The following GPAM variants were observed in gnomAD, a reference collection of about 807,000 sequenced individuals.
GPAM encodes glycerol-3-phosphate acyltransferase, mitochondrial.
Under a neutral mutation model 105.0 loss-of-function variants are expected in GPAM, and 56 were observed. The observed-to-expected ratio is 0.53, with a 90% CI of 0.43 to 0.67. The LOEUF (loss-of-function observed/expected upper bound fraction) is 0.67. GPAM is among the 30% of genes least tolerant of loss of function. The pLI, the probability that GPAM is intolerant of heterozygous loss-of-function variation, is 0.00. For missense variants in GPAM, 855 were observed against 989.8 expected (o/e 0.86, Z 1.83); for synonymous variants, 368 against 354.4 (o/e 1.04, Z -0.43).
chr10:112,155,667 C>T (rs978086496), intron 20 of GPAM, 197 bp downstream of exon 20: 6 of 496,142 alleles, frequency 1.2e-5, no homozygotes, highest in African/African-American at 5.8e-5. Context: ...AATAACGTTA[C>T]GTGAAAAAAG....
intron 20 of GPAM, 106 bp downstream of exon 20, chr10:112,155,758 G>A (rs1326524126): frequency 1.5e-6 from 1 of 684,324 alleles, no homozygotes; most frequent in Non-Finnish European, 2.6e-6. Context: ...TACGGTGTTA[G>A]AGGTCAGGAT....
chr10:112,155,906 T>C lies in GPAM; in HGVS notation c.2269A>G (p.Lys757Glu). 1 of 1,611,356 alleles carries C rather than the reference T, an allele frequency of 6.2e-7. No homozygotes were observed. Among genetic ancestry groups the C allele is most frequent in the Non-Finnish European group, 8.5e-7 (1 of 1,177,514 alleles). ...CTTTCTGTTCTGGTTATTAGGTATTTGTGCAACTTTTGCAGATACTCAGGT... is the reference window on the plus strand; with the variant it reads ...CTTTCTGTTCTGGTTATTAGGTATTCGTGCAACTTTTGCAGATACTCAGGT... ...PEPEYLQKLH[K>E]YLITRTERNV... is the part of the protein sequence containing the mutation. The change falls in exon 20 of 22, where the codon AAA (lysine) becomes GAA (glutamate). Residue 757 changes from lysine to glutamate, a missense_variant. Physicochemically the swap from Lys to Glu is moderately conservative, Grantham distance 56. Transcript: ENST00000348367.
At position 112,181,284 on chromosome 10, in the gene GPAM, C is replaced by T. The variant is rs149559246; in HGVS notation, c.102+399G>A. ...AGGAAAAACAATCCAAGAAAATGTA[C>T]GCCTTTTGGATTGAATTCATACTAT... On this transcript the variant is annotated intron_variant, in intron 3 of 21. Coordinates refer to ENST00000348367, the MANE Select transcript of GPAM (RefSeq NM_001244949.2). Among the ~76,000 whole-genome samples, 641 of 151,538 alleles carry T rather than the reference C, an allele frequency of 4.2e-3. 5 individuals are homozygous for T. The highest frequency in any genetic ancestry group is 0.014 in the African/African-American group (581 of 41,360).
chr10:112,202,115 T>C (rs1847804738), intron 1 of GPAM, among the ~76,000 whole-genome samples: 1 of 152,190 alleles, frequency 6.6e-6, no homozygotes, highest in Non-Finnish European at 1.5e-5. Context: ...ATTCTCTAAG[T>C]CAAAATCAGC....
In GPAM at chr10:112,152,693, A is replaced by T. The variant is rs956623396; in HGVS notation, c.*857T>A. On this transcript the variant is annotated 3_prime_UTR_variant, in exon 22 of 22. Transcript: ENST00000348367. ...TCCAAGAAACAGCTGTACCTGTGAG[A>T]GGCAGGTATTACCTGAGGGGTGGAC... The T allele has an allele frequency of 1.7e-5, 17 of 984,808 alleles. No homozygotes were observed. Among genetic ancestry groups the T allele is most frequent in the Non-Finnish European group, 1.9e-5 (16 of 829,414 alleles). The allele number at this position is 984,808 out of a possible 1,614,324, so 61.0% of individuals were successfully genotyped here.
In GPAM at chr10:112,153,589, T is replaced by C; in HGVS notation, c.2448A>G (p.Gln816=). Residue 816 remains glutamine (Q), a synonymous_variant, in exon 22 of 22, where the codon CAA becomes CAG. Coordinates refer to ENST00000348367, the MANE Select transcript of GPAM (RefSeq NM_001244949.2). ...AACTCAGAATATATTCTAGAAGTTT[T>C]TGTCGGTTGCATTGAGGTAGAAAAG... ...SSTFLPQCNR[Q]KLLEYILSFV... is the part of the protein sequence containing the mutation. 1.9e-6 allele frequency: 3 copies of C among 1,614,080 alleles called. No individual in the cohort carries two copies. The highest frequency in any genetic ancestry group is 2.5e-6 in the Non-Finnish European group (3 of 1,179,952).
upstream of GPAM, among the ~76,000 whole-genome samples, chr10:112,183,973 A>T (rs1378310957): frequency 6.6e-6 from 1 of 152,042 alleles, no homozygotes. Context: ...TGCGTGTGTG[A>T]GTGTGTGTGG....
chr10:112,203,766 A>T (rs947810602), intron 1 of GPAM, among the ~76,000 whole-genome samples: 1 of 152,210 alleles, frequency 6.6e-6, no homozygotes, highest in South Asian at 2.1e-4. Flanking sequence ...AAAGACCCTT[A>T]TGATTACAGA....
rs543194267 is a variant in GPAM, at chr10:112,153,109, T to C, written c.*441A>G. The C allele has an allele frequency of 4.4e-5, 44 of 1,009,564 alleles. No individual in the cohort carries two copies. The South Asian group carries it at 1.3e-3, about 30-fold the overall frequency. 62.5% of individuals were successfully genotyped at this position (1,009,564 alleles called of 1,614,324 possible). A position where few individuals can be genotyped will look rare whatever the true frequency, so the allele number is the denominator to read the frequency against. ...AGTGAATGGATGACTCAATTATTTT[T>C]AAAGGAAGCATTAACCACTAACCAG... is the stretch of plus-strand genomic sequence containing the variant. On this transcript the variant is annotated 3_prime_UTR_variant, in exon 22 of 22. Transcript: ENST00000348367.
At chr10:112,204,419 G>C (rs1053680547) in intron 1 of GPAM, among the ~76,000 whole-genome samples, 3 of 151,780 alleles carry the variant, frequency 2.0e-5, no homozygotes, top group Admixed American at 6.6e-5. Flanking sequence ...GTTGGGAGTG[G>C]GTAGGGGAAG....
chr10:112,225,658 T>G, the GPAM span, among the ~76,000 whole-genome samples: 1 of 151,956 alleles, frequency 6.6e-6, no homozygotes, highest in Non-Finnish European at 1.5e-5. Context: ...CTCTCTGACC[T>G]CTCCATATAA....
chr10:112,176,935 C>T (rs1400537139), intron 5 of GPAM, among the ~76,000 whole-genome samples: 3 of 152,080 alleles, frequency 2.0e-5, no homozygotes, highest in African/African-American at 7.2e-5. Flanking sequence ...CCTTAACTGT[C>T]TCTAATTGAG....
chr10:112,160,996 T>G (rs1847113878), intron 15 of GPAM, 128 bp from the exon 16 acceptor site: 1 of 776,948 alleles, frequency 1.3e-6, no homozygotes, highest in Admixed American at 2.0e-5. Context: ...CATAGAGAAG[T>G]AGGGCCAGAA....
At chr10:112,198,424 T>C (rs1420361385) in intron 1 of GPAM, among the ~76,000 whole-genome samples, 1 of 152,214 alleles carries the variant, frequency 6.6e-6, no homozygotes, top group Non-Finnish European at 1.5e-5. Flanking sequence ...AAGCAGTAGT[T>C]CCTCACTTTT....
At chr10:112,219,721 C>A (rs1490951443), upstream of GPAM, among the ~76,000 whole-genome samples, 5 of 152,156 alleles carry the variant, frequency 3.3e-5, no homozygotes, top group Admixed American at 6.5e-5. Context: ...CATGAAACCC[C>A]CTTTGCAAAA....
intron 2 of GPAM, among the ~76,000 whole-genome samples, chr10:112,182,412 A>G (rs147919668): frequency 1.2e-4 from 18 of 152,370 alleles, no homozygotes; most frequent in Non-Finnish European, 2.2e-4. Flanking sequence ...AGAAAAGCAC[A>G]CTATTTTGAA....
intron 1 of GPAM, among the ~76,000 whole-genome samples, chr10:112,193,862 C>G (rs1847692589): frequency 6.6e-6 from 1 of 152,212 alleles, no homozygotes; most frequent in African/African-American, 2.4e-5. Context: ...CTTGCAGATA[C>G]TTTTGGGACA....
chr10:112,204,560 G>A (rs946666064), intron 1 of GPAM, among the ~76,000 whole-genome samples: 3 of 151,456 alleles, frequency 2.0e-5, no homozygotes, highest in Admixed American at 6.6e-5. Flanking sequence ...CCTATAAACT[G>A]GGCATTAGGT....
At chr10:112,212,160 T>C (rs1373676145) in intron 1 of GPAM, among the ~76,000 whole-genome samples, 2 of 152,132 alleles carry the variant, frequency 1.3e-5, no homozygotes, top group Non-Finnish European at 2.9e-5. Flanking sequence ...TGAGGACCAC[T>C]AAGCAGGGAG....
Sources: gnomAD v4.1 joint callset for allele counts (sites outside exome capture counted in the v4.1 genomes callset) on GRCh38, gnomAD v4.1.1 for gene constraint, MANE v1.5 for transcripts, NCBI Gene and HGNC (gene_info 2026-07-23, HGNC 2026-07-21) for gene names.